Variants in SLC6A19 observed in about 807,000 individuals in gnomAD.
SLC6A19 encodes the protein sodium-dependent neutral amino acid transporter B(0)AT1.
In SLC6A19, 67 loss-of-function variants were observed where a neutral mutation model predicts 68.3. The ratio of observed to expected loss-of-function variants is 0.98; its 90% confidence interval spans 0.81 to 1.20. The LOEUF is 1.20. Ranked by LOEUF, SLC6A19 falls within the 50% of genes most tolerant of loss-of-function variation. The pLI is 0.00. For synonymous variants in SLC6A19, 392 were observed against 374.9 expected (o/e 1.05, Z -0.53); for missense variants, 813 against 851.6 (o/e 0.95, Z 0.56).
rs770185775 is a variant in SLC6A19, at chr5:1,201,872, C to T, written c.202+20C>T. 2 of 1,603,862 alleles carry T rather than the reference C, an allele frequency of 1.2e-6. No homozygotes were observed. Among genetic ancestry groups the T allele is most frequent in the East Asian group, 4.5e-5 (2 of 44,788 alleles). Reference sequence around the variant, plus strand: ...GAGGAGGTAGGCTGGCCGGGCGGGGCTGCGGGCGAGGCCGTGGCCAGGGAA... The same window carrying T: ...GAGGAGGTAGGCTGGCCGGGCGGGGTTGCGGGCGAGGCCGTGGCCAGGGAA... On this transcript the variant is annotated intron_variant, in intron 1 of 11. Transcript: ENST00000304460.
chr5:1,206,061 G>A (rs889367014), intron 1 of SLC6A19, among the ~76,000 whole-genome samples: 1 of 152,236 alleles, frequency 6.6e-6, no homozygotes, highest in African/African-American at 2.4e-5. Context: ...TGTGGGGATA[G>A]AGGTGCTGGG....
chr5:1,224,278 A>G lies in SLC6A19; in HGVS notation c.*2374A>G, dbSNP rs981134139. ...CCATCTCATCTACATCTCCTGATTC[A>G]TGCGTTGTTTCATAGGTTTCAATGT... On this transcript the variant is annotated 3_prime_UTR_variant, in exon 12 of 12. Coordinates refer to ENST00000304460, the MANE Select transcript of SLC6A19 (RefSeq NM_001003841.3). 1 of 152,248 alleles carries G rather than the reference A, an allele frequency of 6.6e-6. No homozygotes were observed. The highest frequency in any genetic ancestry group is 6.5e-5 in the Admixed American group (1 of 15,288). 9.4% of individuals were successfully genotyped at this position (152,248 alleles called of 1,614,324 possible).
At chr5:1,220,924 C>T (rs937320084) in intron 10 of SLC6A19, among the ~76,000 whole-genome samples, 1 of 152,172 alleles carries the variant, frequency 6.6e-6, no homozygotes, top group Non-Finnish European at 1.5e-5. Context: ...GGCAAGCCGT[C>T]GAGCACTGGC....
At position 1,222,493 on chromosome 5, in the gene SLC6A19, T is replaced by C. The variant is rs1375122477; in HGVS notation, c.*589T>C. On this transcript the variant is annotated 3_prime_UTR_variant, in exon 12 of 12. Coordinates refer to ENST00000304460, the MANE Select transcript of SLC6A19 (RefSeq NM_001003841.3). ...ATATGCACATGTGTATATGTACATG[T>C]ATGCCTGTGTGACGTGTGTATATGT... The C allele has an allele frequency of 2.4e-6, 1 of 423,362 alleles. No homozygotes were observed. The highest frequency in any genetic ancestry group is 4.2e-6 in the Non-Finnish European group (1 of 240,298). The allele number at this position is 423,362 out of a possible 1,614,324, so 26.2% of individuals were successfully genotyped here. A position where few individuals can be genotyped will look rare whatever the true frequency, so the allele number is the denominator to read the frequency against.
rs146508672 is a variant in SLC6A19 at position 1,214,902 on chromosome 5, G to A, written c.887+837G>A. 2.8e-3 allele frequency among the ~76,000 whole-genome samples: 430 copies of A among 151,554 alleles called. 1 individual carries two copies. The highest frequency in any genetic ancestry group is 6.8e-3 in the Middle Eastern group (2 of 292). The stretch of plus-strand genomic sequence containing the variant: ...TGGGTGTGAGGGGCGGGGCTGGGCA[G>A]GGAGGGCATAGCTGAGGCGGGGCTG... On this transcript the variant is annotated intron_variant, in intron 6 of 11. Coordinates refer to ENST00000304460, the MANE Select transcript of SLC6A19 (RefSeq NM_001003841.3). This position sits in a 1 kb window ranked among gnomAD's most constrained non-coding sequence, Gnocchi z 7.4.
chr5:1,201,776 G>A lies in SLC6A19; in HGVS notation c.126G>A (p.Met42Ile). The change falls in exon 1 of 12, where the codon ATG (methionine) becomes ATA (isoleucine). Residue 42 changes from methionine to isoleucine, a missense_variant. Transcript: ENST00000304460. ...AGTGGGACAACAAGGCGCAGTACATGCTCACCTGCCTGGGCTTCTGCGTGG... is the reference window on the plus strand; with the variant it reads ...AGTGGGACAACAAGGCGCAGTACATACTCACCTGCCTGGGCTTCTGCGTGG... ...RPKWDNKAQY[M>I]LTCLGFCVGL... is the part of the protein sequence containing the mutation. 1 of 1,612,788 alleles carries A rather than the reference G, an allele frequency of 6.2e-7. No individual in the cohort carries two copies. The highest frequency in any genetic ancestry group is 8.5e-7 in the Non-Finnish European group (1 of 1,179,910).
chr5:1,214,336 C>T lies in SLC6A19; in HGVS notation c.887+271C>T, dbSNP rs1029465834. Among the ~76,000 whole-genome samples the T allele has an allele frequency of 6.6e-6, 1 of 152,142 alleles. No individual in the cohort carries two copies. The highest frequency in any genetic ancestry group is 1.5e-5 in the Non-Finnish European group (1 of 68,006). ...CCCTCCACGAGCCTGGTGCAGACCC[C>T]TCCTGTGCTCTCCCCAGTTCCCTGC... is the stretch of plus-strand genomic sequence containing the variant. On this transcript the variant is annotated intron_variant, in intron 6 of 11. Coordinates refer to ENST00000304460, the MANE Select transcript of SLC6A19 (RefSeq NM_001003841.3). The surrounding 1 kb of genome is among the most constrained non-coding windows in gnomAD (Gnocchi z 7.4).
At chr5:1,202,158 G>C (rs1322334696) in intron 1 of SLC6A19, among the ~76,000 whole-genome samples, 1 of 152,212 alleles carries the variant, frequency 6.6e-6, no homozygotes, top group Non-Finnish European at 1.5e-5. Flanking sequence ...CCGGGGGAAG[G>C]GTGTTTCTCC....
chr5:1,219,786 C>T (rs548030509), intron 10 of SLC6A19, 122 bp downstream of exon 10: 23 of 1,371,654 alleles, frequency 1.7e-5, no homozygotes, highest in African/African-American at 5.7e-5. Context: ...CTCGGGGCCT[C>T]GGCCGGCCAC....
rs1746073574 is a variant in SLC6A19 at position 1,212,529 on chromosome 5, G to A, written c.663+45G>A. Reference sequence around the variant, plus strand: ...AGGCTGCAGGTGCTCCAGAGGGCGGGTGCGGGCAGCCCTGCCTCCGGCCGG... The same window carrying A: ...AGGCTGCAGGTGCTCCAGAGGGCGGATGCGGGCAGCCCTGCCTCCGGCCGG... On this transcript the variant is annotated intron_variant, in intron 4 of 11. Transcript: ENST00000304460. The surrounding 1 kb of genome is among the most constrained non-coding windows in gnomAD (Gnocchi z 5.1). 6 of 1,599,200 alleles carry A rather than the reference G, an allele frequency of 3.8e-6. No homozygotes were observed. The highest frequency in any genetic ancestry group is 4.2e-6 in the Non-Finnish European group (5 of 1,178,458).
At position 1,214,142 on chromosome 5, in the gene SLC6A19, G is replaced by A; in HGVS notation, c.887+77G>A. 13 of 1,605,858 alleles carry A rather than the reference G, an allele frequency of 8.1e-6. No homozygotes were observed. Among genetic ancestry groups the A allele is most frequent in the Non-Finnish European group, 1.1e-5 (13 of 1,176,542 alleles). On this transcript the variant is annotated intron_variant, in intron 6 of 11. Coordinates refer to ENST00000304460, the MANE Select transcript of SLC6A19 (RefSeq NM_001003841.3). This position sits in a 1 kb window ranked among gnomAD's most constrained non-coding sequence, Gnocchi z 7.4. ...TTGCTGGGAGGATAAAAGACAAGGTGGAAAGCACTCTGTGGCTGTGTGGCC... is the reference window on the plus strand; with the variant it reads ...TTGCTGGGAGGATAAAAGACAAGGTAGAAAGCACTCTGTGGCTGTGTGGCC...
rs55673047 is a variant in SLC6A19, at chr5:1,214,395, G to A, written c.887+330G>A. ...CACATCGCTCCCAGCCCACCCCTGG[G>A]CATCCCAGGCCCCCAGACATGTGGC... On this transcript the variant is annotated intron_variant, in intron 6 of 11. Coordinates refer to ENST00000304460, the MANE Select transcript of SLC6A19 (RefSeq NM_001003841.3). The surrounding 1 kb of genome is among the most constrained non-coding windows in gnomAD (Gnocchi z 7.4). 2.7e-3 allele frequency among the ~76,000 whole-genome samples: 418 copies of A among 152,198 alleles called. 4 individuals are homozygous for A. Among genetic ancestry groups the A allele is most frequent in the Non-Finnish European group, 4.6e-3 (313 of 67,982 alleles).
chr5:1,206,859 G>A (rs1745867495), intron 1 of SLC6A19, among the ~76,000 whole-genome samples: 1 of 152,204 alleles, frequency 6.6e-6, no homozygotes, highest in African/African-American at 2.4e-5. Context: ...CCCATGTCGG[G>A]ATCAGGCTCA....
chr5:1,214,375 C>A lies in SLC6A19; in HGVS notation c.887+310C>A, dbSNP rs778488956. 2.6e-5 allele frequency among the ~76,000 whole-genome samples: 4 copies of A among 152,258 alleles called. No homozygotes were observed. Among genetic ancestry groups the A allele is most frequent in the Non-Finnish European group, 5.9e-5 (4 of 68,008 alleles). On this transcript the variant is annotated intron_variant, in intron 6 of 11. Transcript: ENST00000304460. This position sits in a 1 kb window ranked among gnomAD's most constrained non-coding sequence, Gnocchi z 7.4. ...CCAGTTCCCTGCTCCACACCCACAT[C>A]GCTCCCAGCCCACCCCTGGGCATCC...
chr5:1,202,883 G>C (rs545094370), intron 1 of SLC6A19, among the ~76,000 whole-genome samples: 1 of 152,296 alleles, frequency 6.6e-6, no homozygotes, highest in East Asian at 1.9e-4. Flanking sequence ...ACTGCCTTGC[G>C]GGGGTGGGCG....
Position 1,216,780 on chromosome 5 carries a change from G to C in SLC6A19, c.1017-9G>C. 6.2e-7 allele frequency: 1 copy of C among 1,613,762 alleles called. No individual in the cohort carries two copies. Among genetic ancestry groups the C allele is most frequent in the Non-Finnish European group, 8.5e-7 (1 of 1,180,038 alleles). On this transcript the variant is annotated splice_polypyrimidine_tract_variant and intron_variant, in intron 7 of 11. Coordinates refer to ENST00000304460, the MANE Select transcript of SLC6A19 (RefSeq NM_001003841.3). ...CCCAGGTGGCCGTCAGCCTCAATCT[G>C]ACCCGCAGGAACATCCTGACCCTCA...
chr5:1,214,198 C>G lies in SLC6A19; in HGVS notation c.887+133C>G, dbSNP rs572876190. On this transcript the variant is annotated intron_variant, in intron 6 of 11. Transcript: ENST00000304460. This position sits in a 1 kb window ranked among gnomAD's most constrained non-coding sequence, Gnocchi z 7.4. Reference sequence around the variant, plus strand: ...CTTGCTGCCCCGATGGGCCCGTTCCCTCCTGCTCGGGGTCCATGTGAGCTG... The same window carrying G: ...CTTGCTGCCCCGATGGGCCCGTTCCGTCCTGCTCGGGGTCCATGTGAGCTG... 170 of 1,501,690 alleles carry G rather than the reference C, an allele frequency of 1.1e-4. 1 individual carries two copies. The African/African-American group carries it at 1.9e-3, about 17-fold the overall frequency. 93.0% of individuals were successfully genotyped at this position (1,501,690 alleles called of 1,614,324 possible).
Position 1,214,048 on chromosome 5 carries a change from C to T in SLC6A19, c.870C>T (p.Ser290=), listed in dbSNP as rs776093594. The T allele has an allele frequency of 6.2e-7, 1 of 1,613,900 alleles. No homozygotes were observed. The highest frequency in any genetic ancestry group is 8.5e-7 in the Non-Finnish European group (1 of 1,180,012). The change falls in exon 6 of 12, where the codon TCC becomes TCT. Residue 290 remains serine (S), a synonymous_variant. Transcript: ENST00000304460. This position sits in a 1 kb window ranked among gnomAD's most constrained non-coding sequence, Gnocchi z 7.4. Reference sequence around the variant, plus strand: ...CCTTCGGGGGCCTCATCTCCTTCTCCAGCTACAACTCTGTGCAGTGAGTGC... The same window carrying T: ...CCTTCGGGGGCCTCATCTCCTTCTCTAGCTACAACTCTGTGCAGTGAGTGC... ...SLAFGGLISF[S]SYNSVHNNCE...
Position 1,221,748 on chromosome 5 carries a change from T to C in SLC6A19, c.1749T>C (p.Tyr583=). ...SQKISYPNWV[Y]VVVVIVAGVP... ...AGATCTCCTACCCGAACTGGGTGTA[T>C]GTGGTGGTGGTGATTGTGGCTGGAG... Residue 583 remains tyrosine (Y), a synonymous_variant, in exon 12 of 12, where the codon TAT becomes TAC. Transcript: ENST00000304460. The C allele has an allele frequency of 6.2e-7, 1 of 1,614,072 alleles. No homozygotes were observed. Among genetic ancestry groups the C allele is most frequent in the South Asian group, 1.1e-5 (1 of 91,084 alleles).
Sources: allele counts gnomAD v4.1 joint callset (sites outside exome capture counted in the v4.1 genomes callset), GRCh38; gene constraint gnomAD v4.1.1; non-coding constraint Gnocchi (gnomAD v3.1); transcripts MANE v1.5; gene names NCBI Gene and HGNC (gene_info 2026-07-23, HGNC 2026-07-21).